PTPRG: variants seen among roughly 807,000 people sequenced by gnomAD.
PTPRG encodes the protein protein tyrosine phosphatase receptor type G.
Under a neutral mutation model 165.3 loss-of-function variants are expected in PTPRG, and 102 were observed. The ratio of observed to expected loss-of-function variants is 0.62; its 90% CI spans 0.53 to 0.73. The LOEUF is 0.73. PTPRG is among the 30% of genes least tolerant of loss of function. PTPRG has a pLI of 0.00. For missense variants in PTPRG, 1,866 were observed against 1,861.4 expected (o/e 1.00, Z -0.05); for synonymous variants, 675 against 669.5 (o/e 1.01, Z -0.13).
intron 4 of PTPRG, among the ~76,000 whole-genome samples, chr3:62,057,927 A>AT (rs1033782375): frequency 5.2e-4 from 79 of 152,322 alleles, no homozygotes; most frequent in African/African-American, 1.8e-3. Flanking sequence ...GGTAGGAATT[A>AT]TTTTGCTAGC....
intron 8 of PTPRG, among the ~76,000 whole-genome samples, chr3:62,188,013 A>T (rs765418107): frequency 5.9e-5 from 9 of 152,164 alleles, no homozygotes; most frequent in Non-Finnish European, 8.8e-5. Context: ...CATTCAAGAC[A>T]ATGACACTAA....
chr3:62,202,314 G>C (rs1700112870), intron 11 of PTPRG, among the ~76,000 whole-genome samples: 1 of 152,170 alleles, frequency 6.6e-6, no homozygotes, highest in Non-Finnish European at 1.5e-5. Flanking sequence ...AGGCAGCCCT[G>C]CATTTGTGCC....
intron 4 of PTPRG, among the ~76,000 whole-genome samples, chr3:62,059,832 G>C (rs1190617774): frequency 6.6e-6 from 1 of 152,120 alleles, no homozygotes; most frequent in African/African-American, 2.4e-5. Flanking sequence ...GAGATCTGAT[G>C]GTTTCATAAG....
At chr3:61,779,775 T>A (rs1343436220) in intron 2 of PTPRG, among the ~76,000 whole-genome samples, 1 of 152,222 alleles carries the variant, frequency 6.6e-6, no homozygotes, top group Non-Finnish European at 1.5e-5. Flanking sequence ...CTTATATTTT[T>A]ATTTTTTGCA....
At chr3:61,723,220 G>C (rs983267071) in intron 1 of PTPRG, among the ~76,000 whole-genome samples, 9 of 152,100 alleles carry the variant, frequency 5.9e-5, no homozygotes, top group African/African-American at 1.7e-4. Flanking sequence ...TATTTTATTG[G>C]ATGATTGACA....
rs1701480282 is a variant in PTPRG, at chr3:62,254,012, C to A, written c.2468-1112C>A. On this transcript the variant is annotated intron_variant, in intron 15 of 29. Transcript: ENST00000474889. This position sits in a 1 kb window ranked among gnomAD's most constrained non-coding sequence, Gnocchi z 4.6. ...AAATGTCAATAGATGCAAAAAGCCA[C>A]CCTAGAGCTTTGCTCTCTCGAAAGA... 6.6e-6 allele frequency among the ~76,000 whole-genome samples: 1 copy of A among 152,154 alleles called. No individual in the cohort carries two copies.
chr3:62,104,004 T>A (rs1286423691), intron 5 of PTPRG, among the ~76,000 whole-genome samples: 2 of 152,224 alleles, frequency 1.3e-5, no homozygotes, highest in East Asian at 3.8e-4. Context: ...AACTGTGCCA[T>A]CCCTCTGATT....
At chr3:62,082,269 A>T (rs1012564542) in intron 5 of PTPRG, among the ~76,000 whole-genome samples, 1 of 152,096 alleles carries the variant, frequency 6.6e-6, no homozygotes, top group African/African-American at 2.4e-5. Flanking sequence ...ATTCCTGGTA[A>T]TTTTGGCTTT....
Position 62,259,405 on chromosome 3 carries a change from T to G in PTPRG, c.2560-3393T>G, listed in dbSNP as rs532886205. On this transcript the variant is annotated intron_variant, in intron 16 of 29. Transcript: ENST00000474889. ...AATGAGAGCTGATGAGCTAAAAAAT[T>G]GCAGGGAAAAAAAAAACCCTCAATG... 1.3e-4 allele frequency among the ~76,000 whole-genome samples: 20 copies of G among 151,886 alleles called. No individual in the cohort carries two copies. The East Asian group carries it at 3.1e-3, about 24-fold the overall frequency.
chr3:62,201,588 C>T (rs76000523), intron 11 of PTPRG, 34 bp downstream of exon 11: 1 of 1,600,382 alleles, frequency 6.2e-7, no homozygotes, highest in African/African-American at 1.3e-5. Flanking sequence ...TTTGTCGTGG[C>T]TGGTTGTTAA....
intron 14 of PTPRG, among the ~76,000 whole-genome samples, chr3:62,238,609 G>A (rs1701083716): frequency 6.6e-6 from 1 of 152,088 alleles, no homozygotes; most frequent in Non-Finnish European, 1.5e-5. Flanking sequence ...TCCCTAGAGG[G>A]AGTCTTCACA....
intron 1 of PTPRG, among the ~76,000 whole-genome samples, chr3:61,736,472 C>G (rs1446710054): frequency 1.3e-5 from 2 of 150,990 alleles, no homozygotes; most frequent in African/African-American, 4.9e-5. Context: ...CCCCATTGAT[C>G]TGTCTAAGCA....
chr3:61,735,909 ATT>A (rs11422490), intron 1 of PTPRG, among the ~76,000 whole-genome samples: 1 of 145,040 alleles, frequency 6.9e-6, no homozygotes, highest in African/African-American at 2.5e-5. Flanking sequence ...TAAAACAATG[ATT>A]TTTTTTTTTT....
At chr3:62,032,129 A>G (rs1454263741) in intron 4 of PTPRG, among the ~76,000 whole-genome samples, 1 of 152,204 alleles carries the variant, frequency 6.6e-6, no homozygotes, top group African/African-American at 2.4e-5. Flanking sequence ...AGCCTTCAAT[A>G]GACATCTTGG....
chr3:61,670,023 C>A (rs1200676626), intron 1 of PTPRG, among the ~76,000 whole-genome samples: 3 of 152,212 alleles, frequency 2.0e-5, no homozygotes, highest in Non-Finnish European at 4.4e-5. Context: ...TGACATTGGA[C>A]ACCTTGATTC....
At chr3:62,108,475 T>C (rs1474391631) in intron 5 of PTPRG, among the ~76,000 whole-genome samples, 3 of 152,226 alleles carry the variant, frequency 2.0e-5, no homozygotes, top group African/African-American at 7.2e-5. Flanking sequence ...TCCAAGTCTT[T>C]GCTATTGTGA....
intron 2 of PTPRG, among the ~76,000 whole-genome samples, chr3:61,938,564 A>G (rs899847248): frequency 7.9e-5 from 12 of 152,196 alleles, no homozygotes; most frequent in African/African-American, 2.9e-4. Flanking sequence ...CGTGTTTGAC[A>G]CGTGTAAGTG....
At chr3:62,077,695 G>C (rs890357367) in intron 4 of PTPRG, among the ~76,000 whole-genome samples, 4 of 151,962 alleles carry the variant, frequency 2.6e-5, no homozygotes, top group Admixed American at 6.6e-5. Flanking sequence ...ATGATGTCTG[G>C]GTTTGTTCTA....
Position 62,273,940 on chromosome 3 carries a change from C to T in PTPRG, c.3465+96C>T. ...TGTCTTCTTTGCATTAATGTATACA[C>T]CGAAATGGATTACTATTTGTACTCC... On this transcript the variant is annotated intron_variant, in intron 23 of 29. Coordinates refer to ENST00000474889, the MANE Select transcript of PTPRG (RefSeq NM_002841.4). This position sits in a 1 kb window ranked among gnomAD's most constrained non-coding sequence, Gnocchi z 4.1. The T allele has an allele frequency of 1.7e-6, 2 of 1,209,388 alleles. No homozygotes were observed. The highest frequency in any genetic ancestry group is 2.5e-5 in the East Asian group (1 of 40,686). The allele number at this position is 1,209,388 out of a possible 1,614,324, so 74.9% of individuals were successfully genotyped here.
Sources: gnomAD v4.1 joint callset for allele counts (sites outside exome capture counted in the v4.1 genomes callset) on GRCh38, gnomAD v4.1.1 for gene constraint, Gnocchi (gnomAD v3.1) non-coding constraint, MANE v1.5 for transcripts, NCBI Gene and HGNC (gene_info 2026-07-23, HGNC 2026-07-21) for gene names.